The following CFAP61 variants were observed in gnomAD, a reference collection of about 807,000 sequenced individuals.
CFAP61 encodes cilia- and flagella-associated protein 61.
In CFAP61, 107 loss-of-function variants were observed where a neutral mutation model predicts 135.6. That is an observed-to-expected ratio of 0.79 (90% CI 0.67 to 0.93). The LOEUF is 0.93. Among genes scored for constraint, CFAP61 ranks in the 40% least tolerant of loss-of-function variants. The pLI is 0.00. For synonymous variants in CFAP61, 575 were observed against 578.5 expected (o/e 0.99, Z 0.09); for missense variants, 1,507 against 1,556.2 (o/e 0.97, Z 0.53).
rs765001088 is a variant in CFAP61, at chr20:20,196,794, T to G, written c.1797+18T>G. On this transcript the variant is annotated intron_variant, in intron 16 of 26. Transcript: ENST00000245957. ...AAGGCAAGGTAAGAGAATGGTGCAA[T>G]TCACTTTCCCAGCAGGTCAACGTTC... 7.2e-5 allele frequency: 115 copies of G among 1,603,818 alleles called. 1 individual carries two copies. In the Middle Eastern group the frequency reaches 8.2e-4, roughly 11 times the overall value.
At chr20:20,270,324 C>T (rs891907805) in intron 21 of CFAP61, among the ~76,000 whole-genome samples, 5 of 152,048 alleles carry the variant, frequency 3.3e-5, no homozygotes, top group African/African-American at 1.2e-4. Context: ...TAGCATTGAG[C>T]GTGACCATGA....
At chr20:20,140,099 G>A (rs1246143616) in intron 8 of CFAP61, among the ~76,000 whole-genome samples, 1 of 149,772 alleles carries the variant, frequency 6.7e-6, no homozygotes, top group Admixed American at 6.6e-5. Context: ...ACTGGACGGG[G>A]AGATGAGGGG....
At chr20:20,110,657 A>G (rs1048406518) in intron 8 of CFAP61, among the ~76,000 whole-genome samples, 6 of 152,176 alleles carry the variant, frequency 3.9e-5, no homozygotes, top group African/African-American at 1.4e-4. Flanking sequence ...GTTGTTGGTG[A>G]TGGCGTAGAT....
rs568206340 is a variant in CFAP61 at position 20,317,216 on chromosome 20, A to G, written c.3422+18830A>G. ...GATTCCTCTAAGCCTTGTTTCCCTTATCTGTAAAAGGGGCCTTATAATTAT... is the reference window on the plus strand; with the variant it reads ...GATTCCTCTAAGCCTTGTTTCCCTTGTCTGTAAAAGGGGCCTTATAATTAT... On this transcript the variant is annotated intron_variant, in intron 25 of 26. Coordinates refer to ENST00000245957, the MANE Select transcript of CFAP61 (RefSeq NM_015585.4). 7.2e-5 allele frequency among the ~76,000 whole-genome samples: 11 copies of G among 152,050 alleles called. No individual in the cohort carries two copies. The East Asian group carries it at 1.8e-3, about 24-fold the overall frequency.
chr20:20,090,815 C>T, intron 6 of CFAP61, 29 bp from the exon 7 acceptor site: 1 of 1,610,462 alleles, frequency 6.2e-7, no homozygotes, highest in African/African-American at 1.3e-5. Flanking sequence ...AGTGAACGAA[C>T]ACTGAACTTC....
chr20:20,071,915 C>T (rs1236978388), intron 3 of CFAP61, among the ~76,000 whole-genome samples: 1 of 151,988 alleles, frequency 6.6e-6, no homozygotes, highest in African/African-American at 2.4e-5. Context: ...TTATTTCAGT[C>T]CAATGCTTGC....
intron 8 of CFAP61, among the ~76,000 whole-genome samples, chr20:20,112,417 A>G (rs1437500652): frequency 6.6e-6 from 1 of 152,094 alleles, no homozygotes; most frequent in Admixed American, 6.6e-5. Context: ...CTTTTCATGC[A>G]TTTCAACATA....
chr20:20,063,308 TAGAA>T (rs997822793), intron 2 of CFAP61, among the ~76,000 whole-genome samples: 78 of 152,144 alleles, frequency 5.1e-4, no homozygotes, highest in African/African-American at 1.7e-3. Flanking sequence ...CAATCTCACA[TAGAA>T]AGAGAAATGA....
chr20:20,079,433 A>AT (rs5840866), intron 6 of CFAP61, among the ~76,000 whole-genome samples: 35 of 151,148 alleles, frequency 2.3e-4, no homozygotes, highest in African/African-American at 6.8e-4. Context: ...AGTCAGTGCT[A>AT]TTTTTTTTTT....
chr20:20,083,683 A>G (rs8119809), intron 6 of CFAP61, among the ~76,000 whole-genome samples: 7,113 of 152,266 alleles, frequency 0.047, 554 homozygotes, highest in African/African-American at 0.16. Context: ...AATATCCTAA[A>G]GCATTCCAAA....
At chr20:20,108,760 T>A (rs1167513876) in intron 8 of CFAP61, among the ~76,000 whole-genome samples, 1 of 93,428 alleles carries the variant, frequency 1.1e-5, no homozygotes, top group Admixed American at 1.1e-4. Flanking sequence ...CAACGTAAGT[T>A]GCCAACATGA....
At chr20:20,223,010 T>C (rs2048501155) in intron 17 of CFAP61, among the ~76,000 whole-genome samples, 1 of 152,242 alleles carries the variant, frequency 6.6e-6, no homozygotes, top group Non-Finnish European at 1.5e-5. Flanking sequence ...TTTCCTTGTA[T>C]GGACAGAGCT....
At chr20:20,250,837 A>G (rs971319548) in intron 19 of CFAP61, among the ~76,000 whole-genome samples, 15 of 152,174 alleles carry the variant, frequency 9.9e-5, no homozygotes, top group Admixed American at 5.2e-4. Context: ...CTCTTATCAT[A>G]CTACGTGAAA....
At chr20:20,145,079 T>C (rs1033402284) in intron 9 of CFAP61, among the ~76,000 whole-genome samples, 1 of 152,184 alleles carries the variant, frequency 6.6e-6, no homozygotes, top group African/African-American at 2.4e-5. Flanking sequence ...GAAATTTGGC[T>C]CTACACAAAG....
At chr20:20,148,918 T>C (rs2052149231) in intron 9 of CFAP61, among the ~76,000 whole-genome samples, 1 of 152,234 alleles carries the variant, frequency 6.6e-6, no homozygotes, top group South Asian at 2.1e-4. Flanking sequence ...CAATATGATG[T>C]TGACAATACT....
At chr20:20,237,234 A>C (rs2146961901) in intron 18 of CFAP61, among the ~76,000 whole-genome samples, 1 of 152,232 alleles carries the variant, frequency 6.6e-6, no homozygotes, top group East Asian at 1.9e-4. Flanking sequence ...TCCAGAGAGC[A>C]CCCAGGGCCC....
At chr20:20,082,075 C>T (rs1395634806) in intron 6 of CFAP61, among the ~76,000 whole-genome samples, 1 of 152,234 alleles carries the variant, frequency 6.6e-6, no homozygotes, top group Non-Finnish European at 1.5e-5. Context: ...GGACTACCTC[C>T]CTCCTTAACA....
intron 17 of CFAP61, among the ~76,000 whole-genome samples, chr20:20,210,463 G>A (rs527794285): frequency 2.0e-5 from 3 of 152,332 alleles, no homozygotes; most frequent in South Asian, 2.1e-4. Context: ...CAGAATTGAC[G>A]CATTTGTTCT....
chr20:20,163,350 C>T (rs2053554599), intron 10 of CFAP61, among the ~76,000 whole-genome samples: 1 of 152,134 alleles, frequency 6.6e-6, no homozygotes. Flanking sequence ...TGGGCTCCAC[C>T]TCCCCACGAT....
Sources: allele counts gnomAD v4.1 joint callset (sites outside exome capture counted in the v4.1 genomes callset), GRCh38; gene constraint gnomAD v4.1.1; transcripts MANE v1.5; gene names NCBI Gene and HGNC (gene_info 2026-07-23, HGNC 2026-07-21).